NTNG1: variants seen among roughly 807,000 people sequenced by gnomAD.
NTNG1 encodes netrin-G1.
In NTNG1, 16 loss-of-function variants were observed where a neutral mutation model predicts 54.0. That is an observed-to-expected ratio of 0.30 (90% CI 0.20 to 0.45). The LOEUF (loss-of-function observed/expected upper bound fraction) is 0.45. Among genes scored for constraint, NTNG1 ranks in the 20% least tolerant of loss-of-function variants. The probability of loss-of-function intolerance (pLI) is 1.00; values close to 1 mark genes in which losing one functional copy is unlikely to be tolerated. For synonymous variants in NTNG1, 255 were observed against 263.1 expected (o/e 0.97, Z 0.30); for missense variants, 530 against 678.7 (o/e 0.78, Z 2.43).
intron 2 of NTNG1, among the ~76,000 whole-genome samples, chr1:107,193,316 C>T (rs977589749): frequency 3.3e-5 from 5 of 152,032 alleles, no homozygotes; most frequent in African/African-American, 1.2e-4. Context: ...GTTTCTCCAA[C>T]TTCGGTCATT....
intron 3 of NTNG1, among the ~76,000 whole-genome samples, chr1:107,328,258 T>A (rs7523331): frequency 0.59 from 90,307 of 152,018 alleles, 28,884 homozygotes; most frequent in Non-Finnish European, 0.71. Flanking sequence ...GGTGATTTTC[T>A]CCAGTGAATA....
In NTNG1 at chr1:107,430,827, CA is replaced by C; in HGVS notation, c.1166del (p.His389ProfsTer30). 6.2e-7 allele frequency: 1 copy of C among 1,613,290 alleles called. No homozygotes were observed. Among genetic ancestry groups the C allele is most frequent in the Non-Finnish European group, 8.5e-7 (1 of 1,179,620 alleles). ...LNTVICVSCK[H>X]NTRGQHCELC... ...TACAGTCATTTGCGTGAGCTGTAAA[CA>C]CAACACTAGAGGGCAGCACTGTGAG... On this transcript the variant is annotated frameshift_variant, in exon 6 of 8. Transcript: ENST00000370068. LOFTEE classifies it high-confidence loss of function.
intron 3 of NTNG1, among the ~76,000 whole-genome samples, chr1:107,377,245 C>A (rs771334160): frequency 4.6e-5 from 7 of 152,150 alleles, no homozygotes; most frequent in African/African-American, 7.2e-5. Flanking sequence ...TCACATTGAA[C>A]CTCCCAGGAG....
At chr1:107,308,202 G>T (rs1423224814) in intron 2 of NTNG1, among the ~76,000 whole-genome samples, 2 of 151,956 alleles carry the variant, frequency 1.3e-5, no homozygotes, top group Non-Finnish European at 2.9e-5. Context: ...ATTGTTTTTG[G>T]CATATTCATC....
At chr1:107,319,363 A>G (rs917089780) in intron 2 of NTNG1, among the ~76,000 whole-genome samples, 1 of 152,114 alleles carries the variant, frequency 6.6e-6, no homozygotes, top group African/African-American at 2.4e-5. Flanking sequence ...AGCCTCCCAG[A>G]AGCTTTCTAG....
At chr1:107,205,640 A>G (rs1167009789) in intron 2 of NTNG1, among the ~76,000 whole-genome samples, 1 of 151,730 alleles carries the variant, frequency 6.6e-6, no homozygotes, top group Non-Finnish European at 1.5e-5. Flanking sequence ...AAAAAACTAT[A>G]TAATCCGTCT....
chr1:107,482,082 AT>A lies in NTNG1; in HGVS notation c.*1243del, dbSNP rs1678761482. 1.4e-5 allele frequency: 2 copies of A among 141,704 alleles called. No individual in the cohort carries two copies. Among genetic ancestry groups the A allele is most frequent in the African/African-American group, 5.2e-5 (2 of 38,248 alleles). 8.8% of individuals were successfully genotyped at this position (141,704 alleles called of 1,614,324 possible). Reference sequence around the variant, plus strand: ...AAAAAAAAAAAAAAAAAAAAAAAAAATCTAAGTGATTGCCAAGATTATGCCA... The same window carrying A: ...AAAAAAAAAAAAAAAAAAAAAAAAAACTAAGTGATTGCCAAGATTATGCCA... On this transcript the variant is annotated 3_prime_UTR_variant, in exon 8 of 8. Transcript: ENST00000370068.
intron 7 of NTNG1, among the ~76,000 whole-genome samples, chr1:107,479,031 C>T (rs151063292): frequency 1.3e-5 from 2 of 152,326 alleles, no homozygotes; most frequent in African/African-American, 4.8e-5. Flanking sequence ...CACTGCCTTG[C>T]ATATCAATAT....
At chr1:107,162,877 T>C (rs1349250691) in intron 2 of NTNG1, among the ~76,000 whole-genome samples, 1 of 152,186 alleles carries the variant, frequency 6.6e-6, no homozygotes, top group East Asian at 1.9e-4. Context: ...AGATGATATA[T>C]AAATATTGCA....
intron 2 of NTNG1, among the ~76,000 whole-genome samples, chr1:107,260,599 A>G (rs1278255302): frequency 6.6e-6 from 1 of 152,212 alleles, no homozygotes; most frequent in Non-Finnish European, 1.5e-5. Flanking sequence ...AGTCACTACC[A>G]TCATTACAAA....
chr1:107,456,305 G>C (rs1192618669), intron 7 of NTNG1, among the ~76,000 whole-genome samples: 1 of 152,192 alleles, frequency 6.6e-6, no homozygotes, highest in African/African-American at 2.4e-5. Context: ...TTGGCTGTGA[G>C]CTAGCTGGGT....
At chr1:107,178,865 C>A (rs1391223214) in intron 2 of NTNG1, among the ~76,000 whole-genome samples, 1 of 152,174 alleles carries the variant, frequency 6.6e-6, no homozygotes, top group Non-Finnish European at 1.5e-5. Flanking sequence ...TTAACTTTAG[C>A]TTGGTCCCAC....
chr1:107,335,076 T>G (rs1474928302), intron 3 of NTNG1, among the ~76,000 whole-genome samples: 2 of 152,014 alleles, frequency 1.3e-5, no homozygotes, highest in African/African-American at 4.8e-5. Flanking sequence ...GCTATGTACT[T>G]GGGTTAAATG....
chr1:107,289,105 A>G (rs1367058725), intron 2 of NTNG1, among the ~76,000 whole-genome samples: 1 of 152,182 alleles, frequency 6.6e-6, no homozygotes, highest in Non-Finnish European at 1.5e-5. Flanking sequence ...AACACAGACC[A>G]TCAGAAGTGC....
intron 7 of NTNG1, among the ~76,000 whole-genome samples, chr1:107,456,519 C>G (rs1021332074): frequency 1.3e-5 from 2 of 152,294 alleles, no homozygotes; most frequent in Admixed American, 6.5e-5. Flanking sequence ...AGCCATGCCT[C>G]TCTCAGAGCT....
intron 2 of NTNG1, among the ~76,000 whole-genome samples, chr1:107,228,631 C>T (rs1179420705): frequency 6.6e-6 from 1 of 152,124 alleles, no homozygotes; most frequent in African/African-American, 2.4e-5. Flanking sequence ...AATAACTTTA[C>T]AATAAATTCA....
chr1:107,385,466 G>C (rs905146701), intron 3 of NTNG1, among the ~76,000 whole-genome samples: 1 of 152,014 alleles, frequency 6.6e-6, no homozygotes, highest in South Asian at 2.1e-4. Context: ...TTTCACAGAC[G>C]CCATGCCTGC....
intron 5 of NTNG1, among the ~76,000 whole-genome samples, chr1:107,414,229 G>T (rs913436190): frequency 6.6e-6 from 1 of 152,022 alleles, no homozygotes; most frequent in Non-Finnish European, 1.5e-5. Context: ...CTTGGGTGCA[G>T]AAGAGCAAAA....
intron 2 of NTNG1, among the ~76,000 whole-genome samples, chr1:107,258,940 T>C (rs1663117810): frequency 1.3e-5 from 2 of 152,114 alleles, no homozygotes. Context: ...TTAGAGAGAA[T>C]GCATGTGTTA....
Sources: gnomAD v4.1 joint callset for allele counts (sites outside exome capture counted in the v4.1 genomes callset) on GRCh38, gnomAD v4.1.1 for gene constraint, MANE v1.5 for transcripts, NCBI Gene and HGNC (gene_info 2026-07-23, HGNC 2026-07-21) for gene names.